Variants in NCAPG2 observed in about 807,000 individuals in gnomAD.
The protein encoded by NCAPG2 is condensin-2 complex subunit G2.
In NCAPG2, 53 loss-of-function variants were observed where a neutral mutation model predicts 141.1. That is an observed-to-expected ratio of 0.38 (90% CI 0.30 to 0.47). NCAPG2 has a LOEUF of 0.47. NCAPG2 is among the 20% of genes least tolerant of loss of function. NCAPG2 has a pLI of 0.99. For synonymous variants in NCAPG2, 499 were observed against 490.7 expected (o/e 1.02, Z -0.22); for missense variants, 1,087 against 1,389.0 (o/e 0.78, Z 3.46).
chr7:158,650,838 T>C lies in NCAPG2; in HGVS notation c.3069A>G (p.Leu1023=), dbSNP rs1831435313. 3 of 1,610,942 alleles carry C rather than the reference T, an allele frequency of 1.9e-6. No individual in the cohort carries two copies. Among genetic ancestry groups the C allele is most frequent in the Admixed American group, 1.7e-5 (1 of 59,010 alleles). ...AGPVVEISHQ[L]RKVSDVEELT... ...CAGGATTAAAGCACTTCACCTTCCGTAGCTGGTGACTTATCTCAACCACAG... is the reference window on the plus strand; with the variant it reads ...CAGGATTAAAGCACTTCACCTTCCGCAGCTGGTGACTTATCTCAACCACAG... Residue 1023 remains leucine, a synonymous_variant, in exon 24 of 28, where the codon CTA becomes CTG. Coordinates refer to ENST00000356309, the MANE Select transcript of NCAPG2 (RefSeq NM_017760.7).
Position 158,675,635 on chromosome 7 carries a change from G to A in NCAPG2, c.1168C>T (p.Pro390Ser). 6.2e-7 allele frequency: 1 copy of A among 1,611,186 alleles called. No homozygotes were observed. Among genetic ancestry groups the A allele is most frequent in the Non-Finnish European group, 8.5e-7 (1 of 1,179,428 alleles). ...AGGATCCCTGTGGAACGGACCATCGGGTAAGGATCTTCTAAAAGGCTCTAT... is the reference window on the plus strand; with the variant it reads ...AGGATCCCTGTGGAACGGACCATCGAGTAAGGATCTTCTAAAAGGCTCTAT... The part of the protein sequence containing the change: ...ELYSLLEDPY[P>S]MVRSTGILGV... The change falls in exon 12 of 28, where the codon CCG (proline) becomes TCG (serine). Residue 390 changes from proline to serine, a missense_variant. By Grantham distance (74) the Pro-to-Ser change is moderately conservative. Transcript: ENST00000356309.
At position 158,692,929 on chromosome 7, in the gene NCAPG2, T is replaced by C. The variant is rs748543466; in HGVS notation, c.295A>G (p.Ile99Val). The C allele has an allele frequency of 6.3e-7, 1 of 1,579,638 alleles. No individual in the cohort carries two copies. The highest frequency in any genetic ancestry group is 1.4e-5 in the African/African-American group (1 of 73,938). The change falls in exon 4 of 28, where the codon ATT becomes GTT. Residue 99 changes from isoleucine (I) to valine (V), a missense_variant. Physicochemically the swap from Ile to Val is conservative, Grantham distance 29. Coordinates refer to ENST00000356309, the MANE Select transcript of NCAPG2 (RefSeq NM_017760.7). ...ACAGAAGCAAGAATCACAGATGTAATTGCATAAATTATTTCTATGCTTTTT... is the reference window on the plus strand; with the variant it reads ...ACAGAAGCAAGAATCACAGATGTAACTGCATAAATTATTTCTATGCTTTTT... Reference protein sequence around the residue: ...MRKSIEIIYAITSVILASVSV... With the variant: ...MRKSIEIIYAVTSVILASVSV...
chr7:158,645,217 A>G (rs55957763), intron 26 of NCAPG2, among the ~76,000 whole-genome samples: 1,880 of 151,830 alleles, frequency 0.012, 49 homozygotes, highest in African/African-American at 0.042. Context: ...CAGAAATTCA[A>G]TGCCGAGGCA....
chr7:158,701,331 A>G (rs1835774657), intron 2 of NCAPG2, among the ~76,000 whole-genome samples: 1 of 152,168 alleles, frequency 6.6e-6, no homozygotes, highest in Non-Finnish European at 1.5e-5. Context: ...CCAAAAGGCA[A>G]ACCATATTTT....
At chr7:158,677,009 C>A (rs1420467835) in intron 11 of NCAPG2, among the ~76,000 whole-genome samples, 1 of 152,096 alleles carries the variant, frequency 6.6e-6, no homozygotes. Context: ...CTCACATCAG[C>A]CCCGAACCCA....
intron 11 of NCAPG2, among the ~76,000 whole-genome samples, chr7:158,678,201 T>G (rs1373467752): frequency 6.6e-6 from 1 of 152,052 alleles, no homozygotes; most frequent in African/African-American, 2.4e-5. Context: ...ACACAGAGGA[T>G]ACAGGAAATA....
rs1563539721 is a variant in NCAPG2, at chr7:158,667,539, G to GGT, written c.1480-2790_1480-2789insAC. On this transcript the variant is annotated intron_variant, in intron 13 of 27. Coordinates refer to ENST00000356309, the MANE Select transcript of NCAPG2 (RefSeq NM_017760.7). ...CTCCGCCCTCCTTACCTACCCTGTG[G>GGT]CCCTCCACCCGCTTACCCACTACTG... Among the ~76,000 whole-genome samples, 15 of 25,514 alleles carry GGT rather than the reference G, an allele frequency of 5.9e-4. 1 individual carries two copies. Among genetic ancestry groups the GGT allele is most frequent in the African/African-American group, 2.3e-3 (13 of 5,556 alleles). 16.7% of individuals were successfully genotyped at this position (25,514 alleles called of 152,430 possible). A position where few individuals can be genotyped will look rare whatever the true frequency, so the allele number is the denominator to read the frequency against.
intron 2 of NCAPG2, among the ~76,000 whole-genome samples, chr7:158,695,403 G>C (rs1835383859): frequency 2.6e-5 from 4 of 152,186 alleles, no homozygotes; most frequent in Admixed American, 2.6e-4. Context: ...AAAAGAAATA[G>C]CTGCCCATCC....
intron 13 of NCAPG2, among the ~76,000 whole-genome samples, chr7:158,666,718 G>A (rs536222319): frequency 6.6e-6 from 1 of 151,652 alleles, no homozygotes; most frequent in African/African-American, 2.4e-5. Context: ...CTTGAGGCCA[G>A]GATTTTGACG....
chr7:158,635,093 A>G (rs1189179882), intron 27 of NCAPG2, among the ~76,000 whole-genome samples: 2 of 152,210 alleles, frequency 1.3e-5, no homozygotes, highest in East Asian at 3.8e-4. Flanking sequence ...AACACAGCAG[A>G]ATCAATTTTT....
At chr7:158,640,052 C>CAAAAAAAAAAAAAA (rs58368997) in intron 27 of NCAPG2, 1 of 98,324 alleles carries the variant, frequency 1.0e-5, no homozygotes. Flanking sequence ...GAATAAATGC[C>CAAAAAAAAAAAAAA]AAAAAAAAAA....
At position 158,667,607 on chromosome 7, in the gene NCAPG2, CTCCTTACCTACCCT is replaced by C. The variant is rs1833202104; in HGVS notation, c.1480-2871_1480-2858del. Among the ~76,000 whole-genome samples the C allele has an allele frequency of 1.8e-4, 6 of 32,758 alleles. 2 individuals carry two copies. The highest frequency in any genetic ancestry group is 1.6e-4 in the Non-Finnish European group (3 of 18,544). The allele number at this position is 32,758 out of a possible 152,430, so 21.5% of individuals were successfully genotyped here. A position where few individuals can be genotyped will look rare whatever the true frequency, so the allele number is the denominator to read the frequency against. Reference sequence around the variant, plus strand: ...TTACCCACTACTGGGTCCCTCCGCCCTCCTTACCTACCCTGTGGCCCTCCACCCTCTTACCCACT... The same window carrying C: ...TTACCCACTACTGGGTCCCTCCGCCCGTGGCCCTCCACCCTCTTACCCACT... On this transcript the variant is annotated intron_variant, in intron 13 of 27. Coordinates refer to ENST00000356309, the MANE Select transcript of NCAPG2 (RefSeq NM_017760.7).
intron 27 of NCAPG2, among the ~76,000 whole-genome samples, chr7:158,637,331 A>G (rs1214894395): frequency 6.6e-6 from 1 of 152,188 alleles, no homozygotes; most frequent in Non-Finnish European, 1.5e-5. Context: ...TCATTCACTC[A>G]GTCGCTAGGA....
At chr7:158,660,573 A>G (rs4909249) in intron 16 of NCAPG2, among the ~76,000 whole-genome samples, 82,546 of 151,582 alleles carry the variant, frequency 0.54, 23,020 homozygotes, top group Non-Finnish European at 0.61. Flanking sequence ...CAGGCCATCA[A>G]GCCCAGCTAA....
At chr7:158,692,737 G>T (rs192088451) in intron 4 of NCAPG2, 105 bp downstream of exon 4, 1 of 858,166 alleles carries the variant, frequency 1.2e-6, no homozygotes, top group Non-Finnish European at 1.9e-6. Context: ...GCGAAACTCC[G>T]TCTCAAAAAA....
chr7:158,678,785 A>C (rs1379229530), intron 11 of NCAPG2, among the ~76,000 whole-genome samples: 3 of 152,064 alleles, frequency 2.0e-5, no homozygotes, highest in African/African-American at 7.2e-5. Context: ...ACAGCAAAAT[A>C]CTAATGACTT....
rs1834355399 is a variant in NCAPG2, at chr7:158,680,104, A to T, written c.1021-19T>A. ...TTCTGGCCTATAATAATAAAAGAAGAGTATCTCAGAATCCCAAAGAGTTAA... is the reference window on the plus strand; with the variant it reads ...TTCTGGCCTATAATAATAAAAGAAGTGTATCTCAGAATCCCAAAGAGTTAA... On this transcript the variant is annotated intron_variant, in intron 10 of 27. Transcript: ENST00000356309. The T allele has an allele frequency of 6.2e-7, 1 of 1,610,692 alleles. No individual in the cohort carries two copies. The highest frequency in any genetic ancestry group is 1.7e-5 in the Admixed American group (1 of 59,768).
rs2129468993 is a variant in NCAPG2 at position 158,690,734 on chromosome 7, C to T, written c.383-12G>A. The T allele has an allele frequency of 1.2e-6, 2 of 1,608,876 alleles. No homozygotes were observed. Among genetic ancestry groups the T allele is most frequent in the East Asian group, 2.2e-5 (1 of 44,784 alleles). ...TGCATATAAAATACCTAAAATACAG[C>T]ACAGTAATTTTCCAATTAGTAAGGC... is the stretch of plus-strand genomic sequence containing the variant. On this transcript the variant is annotated splice_polypyrimidine_tract_variant and intron_variant, in intron 4 of 27. Transcript: ENST00000356309.
At chr7:158,638,985 C>T (rs1366941969) in intron 27 of NCAPG2, among the ~76,000 whole-genome samples, 1 of 152,196 alleles carries the variant, frequency 6.6e-6, no homozygotes, top group African/African-American at 2.4e-5. Flanking sequence ...TAAAACCACA[C>T]ACACTTTGCT....
Sources: gnomAD v4.1 joint callset for allele counts (sites outside exome capture counted in the v4.1 genomes callset) on GRCh38, gnomAD v4.1.1 for gene constraint, MANE v1.5 for transcripts, NCBI Gene and HGNC (gene_info 2026-07-23, HGNC 2026-07-21) for gene names.